The following NPTXR variants were observed in gnomAD, a reference collection of about 807,000 sequenced individuals.
NPTXR encodes the protein neuronal pentraxin receptor.
In NPTXR, 12 loss-of-function variants were observed where a neutral mutation model predicts 32.2. The observed-to-expected ratio is 0.37, with a 90% confidence interval of 0.24 to 0.60. The LOEUF (loss-of-function observed/expected upper bound fraction) is 0.60, where lower values mean the gene tolerates loss of function less well. Ranked by LOEUF, NPTXR falls within the 20% of genes least tolerant of loss-of-function variation. The probability of loss-of-function intolerance (pLI) is 0.66; values close to 1 mark genes in which losing one functional copy is unlikely to be tolerated. For missense variants in NPTXR, 612 were observed against 682.9 expected, an observed-to-expected ratio of 0.90 and a Z score of 1.16; for synonymous variants, 323 against 315.8, an observed-to-expected ratio of 1.02 and a Z score of -0.24.
intron 1 of NPTXR, among the ~76,000 whole-genome samples, chr22:38,838,223 G>C (rs1410761477): frequency 6.6e-6 from 1 of 152,038 alleles, no homozygotes; most frequent in Non-Finnish European, 1.5e-5. Context: ...ATCATTCTTT[G>C]TATGGAGGGG....
chr22:38,831,139 T>C (rs1266877516), intron 1 of NPTXR, among the ~76,000 whole-genome samples: 1 of 152,196 alleles, frequency 6.6e-6, no homozygotes, highest in Non-Finnish European at 1.5e-5. Context: ...AGGCTGGGCA[T>C]GGTGGCTCAT....
chr22:38,831,976 T>G (rs1217165593), intron 1 of NPTXR, among the ~76,000 whole-genome samples: 1 of 151,752 alleles, frequency 6.6e-6, no homozygotes, highest in Non-Finnish European at 1.5e-5. Flanking sequence ...GGAGCCAGCA[T>G]CTCCTCTCTC....
intron 1 of NPTXR, among the ~76,000 whole-genome samples, chr22:38,832,188 C>A (rs1568985705): frequency 6.6e-6 from 1 of 152,200 alleles, no homozygotes; most frequent in Non-Finnish European, 1.5e-5. Flanking sequence ...AGGAGGTGGG[C>A]TCGCCGGATC....
Position 38,830,221 on chromosome 22 carries a change from C to G in NPTXR, c.625-1709G>C, listed in dbSNP as rs1386581618. 2.6e-5 allele frequency among the ~76,000 whole-genome samples: 4 copies of G among 152,154 alleles called. No individual in the cohort carries two copies. The East Asian group carries it at 7.7e-4, about 29-fold the overall frequency. On this transcript the variant is annotated intron_variant, in intron 1 of 4. Coordinates refer to ENST00000333039, the MANE Select transcript of NPTXR (RefSeq NM_014293.4). Reference sequence around the variant, plus strand: ...GAGTAGGGACAGGTGGGCTGACACTCCGAGATCATTTTTCCCCTTCTATAA... The same window carrying G: ...GAGTAGGGACAGGTGGGCTGACACTGCGAGATCATTTTTCCCCTTCTATAA...
At chr22:38,822,958 C>T in intron 4 of NPTXR, 125 bp from the exon 5 acceptor site, 4 of 1,440,998 alleles carry the variant, frequency 2.8e-6, no homozygotes, top group Non-Finnish European at 3.8e-6. Flanking sequence ...TGAAGCCCCA[C>T]CGCCAACGCT....
Position 38,822,738 on chromosome 22 carries a change from G to A in NPTXR, c.1374C>T (p.Val458=). The stretch of plus-strand genomic sequence containing the variant: ...GCGCAGTGCAGTTGGCAATGCCCAG[G>A]ACCTGGGCTGGTGTCAGGGCGTGGT... Residue 458 remains valine, a synonymous_variant, in exon 5 of 5, where the codon GTC becomes GTT. Transcript: ENST00000333039. 1 of 1,614,174 alleles carries A rather than the reference G, an allele frequency of 6.2e-7. No individual in the cohort carries two copies. The highest frequency in any genetic ancestry group is 8.5e-7 in the Non-Finnish European group (1 of 1,180,016).
chr22:38,836,707 G>T (rs549421508), intron 1 of NPTXR, among the ~76,000 whole-genome samples: 1 of 152,014 alleles, frequency 6.6e-6, no homozygotes, highest in African/African-American at 2.4e-5. Context: ...AATTTTCATC[G>T]AGCTGTCCAC....
chr22:38,828,578 T>C lies in NPTXR; in HGVS notation c.625-66A>G, dbSNP rs1399835380. 3.0e-6 allele frequency: 4 copies of C among 1,337,068 alleles called. No homozygotes were observed. In the Admixed American group the frequency reaches 8.2e-5, roughly 27 times the overall value. The allele number at this position is 1,337,068 out of a possible 1,614,324, so 82.8% of individuals were successfully genotyped here. On this transcript the variant is annotated intron_variant, in intron 1 of 4. Transcript: ENST00000333039. ...GAAGGACAGGCTGGGAACACTCAGA[T>C]GCCTACCGCCCCTGCTCAGTGACCC...
Position 38,834,467 on chromosome 22 carries a change from C to T in NPTXR, c.625-5955G>A, listed in dbSNP as rs902030780. Reference sequence around the variant, plus strand: ...TCTTCCCGCCCCCACCCCTCCTCTGCCCATTGCCTGCTCATCCTCCAGATG... The same window carrying T: ...TCTTCCCGCCCCCACCCCTCCTCTGTCCATTGCCTGCTCATCCTCCAGATG... On this transcript the variant is annotated intron_variant, in intron 1 of 4. Coordinates refer to ENST00000333039, the MANE Select transcript of NPTXR (RefSeq NM_014293.4). The surrounding 1 kb of genome is among the most constrained non-coding windows in gnomAD (Gnocchi z 4.4). 6.6e-6 allele frequency among the ~76,000 whole-genome samples: 1 copy of T among 150,696 alleles called. No individual in the cohort carries two copies. The highest frequency in any genetic ancestry group is 2.1e-4 in the South Asian group (1 of 4,710).
rs1473837782 is a variant in NPTXR, at chr22:38,843,131, G to A, written c.624+104C>T. 6.2e-6 allele frequency: 7 copies of A among 1,122,608 alleles called. No homozygotes were observed. The highest frequency in any genetic ancestry group is 3.9e-5 in the South Asian group (1 of 25,432). The allele number at this position is 1,122,608 out of a possible 1,614,324, so 69.5% of individuals were successfully genotyped here. On this transcript the variant is annotated intron_variant, in intron 1 of 4. Transcript: ENST00000333039. The surrounding 1 kb of genome is among the most constrained non-coding windows in gnomAD (Gnocchi z 5.3). ...CAGCGAGGAAGGCGCGATCGTCCCCGGAACACAGACGGGAGACCGGAGGCT... is the reference window on the plus strand; with the variant it reads ...CAGCGAGGAAGGCGCGATCGTCCCCAGAACACAGACGGGAGACCGGAGGCT...
rs1440362554 is a variant in NPTXR at position 38,822,022 on chromosome 22, A to G, written c.*587T>C. On this transcript the variant is annotated 3_prime_UTR_variant, in exon 5 of 5. Transcript: ENST00000333039. ...AACCAACATTCAAACCGCTACACAC[A>G]AAGAGAGGAGGAAAGAGGAGGAAGA... 7.3e-6 allele frequency: 1 copy of G among 137,354 alleles called. No homozygotes were observed. The highest frequency in any genetic ancestry group is 2.5e-4 in the East Asian group (1 of 3,972). The allele number at this position is 137,354 out of a possible 1,614,324, so 8.5% of individuals were successfully genotyped here.
Position 38,826,602 on chromosome 22 carries a change from G to A in NPTXR, c.996C>T (p.Thr332=), listed in dbSNP as rs557229755. 2.7e-5 allele frequency: 44 copies of A among 1,614,130 alleles called. No individual in the cohort carries two copies. Among genetic ancestry groups the A allele is most frequent in the South Asian group, 2.0e-4 (18 of 91,090 alleles). The change falls in exon 3 of 5, where the codon ACC becomes ACT. Residue 332 remains threonine, a synonymous_variant. Coordinates refer to ENST00000333039, the MANE Select transcript of NPTXR (RefSeq NM_014293.4). ...AGTAGGAGAAGGGGGTGCCCTGGCC[G>A]GTGCCGCTGGACCTGGACCGCAGCC...
rs940537187 is a variant in NPTXR at position 38,843,928 on chromosome 22, G to A, written c.-70C>T. On this transcript the variant is annotated 5_prime_UTR_variant, in exon 1 of 5. Coordinates refer to ENST00000333039, the MANE Select transcript of NPTXR (RefSeq NM_014293.4). The surrounding 1 kb of genome is among the most constrained non-coding windows in gnomAD (Gnocchi z 5.3). The stretch of plus-strand genomic sequence containing the variant: ...GCGGCGGGGTCGGGGCGCGGAGCCC[G>A]GGCGCGCTGGGCCGAGCGGGGCAGG... The A allele has an allele frequency of 3.7e-4, 326 of 879,932 alleles. 1 individual carries two copies. The highest frequency in any genetic ancestry group is 4.2e-4 in the Non-Finnish European group (312 of 736,238). 54.5% of individuals were successfully genotyped at this position (879,932 alleles called of 1,614,324 possible). A position where few individuals can be genotyped will look rare whatever the true frequency, so the allele number is the denominator to read the frequency against.
At chr22:38,832,595 G>A (rs2093118096) in intron 1 of NPTXR, among the ~76,000 whole-genome samples, 1 of 152,236 alleles carries the variant, frequency 6.6e-6, no homozygotes, top group African/African-American at 2.4e-5. Flanking sequence ...CACTAGGGAA[G>A]ATCTGTGCAA....
chr22:38,822,991 A>T, intron 4 of NPTXR, 92 bp downstream of exon 4: 1 of 1,525,424 alleles, frequency 6.6e-7, no homozygotes, highest in East Asian at 2.3e-5. Flanking sequence ...TCAAGATTCT[A>T]GTTCCTTGGG....
Position 38,834,129 on chromosome 22 carries a change from C to A in NPTXR, c.625-5617G>T, listed in dbSNP as rs184875894. ...GTGTCTCTAATGCTTGAATCTAAAC[C>A]TGCGTCTCGCCCAGAGCTTCACTCA... On this transcript the variant is annotated intron_variant, in intron 1 of 4. Transcript: ENST00000333039. This position sits in a 1 kb window ranked among gnomAD's most constrained non-coding sequence, Gnocchi z 4.4. Among the ~76,000 whole-genome samples the A allele has an allele frequency of 4.2e-4, 63 of 149,876 alleles. No individual in the cohort carries two copies. Among genetic ancestry groups the A allele is most frequent in the Non-Finnish European group, 7.7e-4 (52 of 67,552 alleles).
At chr22:38,842,273 C>T (rs928921397) in intron 1 of NPTXR, among the ~76,000 whole-genome samples, 3 of 152,244 alleles carry the variant, frequency 2.0e-5, no homozygotes, top group Non-Finnish European at 4.4e-5. Context: ...CTCTCTCTTC[C>T]TTCCACAGAT....
intron 4 of NPTXR, 74 bp from the exon 5 acceptor site, chr22:38,822,907 T>C: frequency 6.8e-7 from 1 of 1,480,762 alleles, no homozygotes. Context: ...GCTGGCTCAG[T>C]CAGGCTCTTG....
At position 38,823,264 on chromosome 22, in the gene NPTXR, T is replaced by C; in HGVS notation, c.1099-2A>G. The C allele has an allele frequency of 6.2e-7, 1 of 1,609,822 alleles. No individual in the cohort carries two copies. Among genetic ancestry groups the C allele is most frequent in the Non-Finnish European group, 8.5e-7 (1 of 1,179,866 alleles). ...CAGGCTCAGGGGCAGCTGGGCCACC[T>C]GGACACAGGTCCCCCAACCCCAGGT... On this transcript the variant is annotated splice_acceptor_variant, in intron 3 of 4. Transcript: ENST00000333039. LOFTEE classifies it high-confidence loss of function.
Sources: allele counts gnomAD v4.1 joint callset (sites outside exome capture counted in the v4.1 genomes callset), GRCh38; gene constraint gnomAD v4.1.1; non-coding constraint Gnocchi (gnomAD v3.1); transcripts MANE v1.5; gene names NCBI Gene and HGNC (gene_info 2026-07-23, HGNC 2026-07-21).